RHBDD1: variants seen among roughly 807,000 people sequenced by gnomAD.
The protein encoded by RHBDD1 is rhomboid-related protein 4.
RHBDD1 carries 38 observed loss-of-function variants against 36.3 expected under a neutral mutation model. The observed-to-expected ratio is 1.05, with a 90% CI of 0.81 to 1.37. RHBDD1 has a LOEUF of 1.37. Ranked by LOEUF, RHBDD1 falls within the 40% of genes most tolerant of loss-of-function variation. RHBDD1 has a pLI of 0.00. For synonymous variants in RHBDD1, 151 were observed against 136.5 expected, an observed-to-expected ratio of 1.11 and a Z score of -0.74; for missense variants, 393 against 377.6, an observed-to-expected ratio of 1.04 and a Z score of -0.34.
chr2:226,923,751 G>A (rs1949486669), intron 8 of RHBDD1, among the ~76,000 whole-genome samples: 1 of 151,644 alleles, frequency 6.6e-6, no homozygotes, highest in Admixed American at 6.6e-5. Context: ...CTGTCTTCAG[G>A]GTCATTAATT....
chr2:226,968,431 C>T (rs1440859998), intron 8 of RHBDD1, among the ~76,000 whole-genome samples: 1 of 152,196 alleles, frequency 6.6e-6, no homozygotes, highest in African/African-American at 2.4e-5. Flanking sequence ...AGGGAAGTTT[C>T]AGCTCTGCTC....
intron 5 of RHBDD1, among the ~76,000 whole-genome samples, chr2:226,878,292 T>A (rs1945412327): frequency 1.3e-5 from 2 of 151,268 alleles, no homozygotes; most frequent in South Asian, 4.1e-4. Context: ...CTTGAACTGT[T>A]AACTCTTTGT....
intron 5 of RHBDD1, among the ~76,000 whole-genome samples, chr2:226,898,250 G>A (rs1947292666): frequency 6.6e-6 from 1 of 152,202 alleles, no homozygotes; most frequent in African/African-American, 2.4e-5. Flanking sequence ...TGTCTTATTA[G>A]CAGGCGTAGG....
intron 8 of RHBDD1, among the ~76,000 whole-genome samples, chr2:226,979,087 G>A (rs750441752): frequency 5.9e-5 from 9 of 152,224 alleles, no homozygotes; most frequent in South Asian, 2.1e-4. Flanking sequence ...GAAGCTATTC[G>A]TGTGGCTCAT....
At chr2:226,802,732 T>C in the RHBDD1 span, among the ~76,000 whole-genome samples, 2 of 152,240 alleles carry the variant, frequency 1.3e-5, no homozygotes, top group African/African-American at 2.4e-5. Context: ...ATTTGTGTAA[T>C]ATGCTAAGGT....
intron 5 of RHBDD1, among the ~76,000 whole-genome samples, chr2:226,874,875 TGC>T (rs1945093969): frequency 2.0e-5 from 3 of 152,188 alleles, no homozygotes; most frequent in Admixed American, 2.0e-4. Flanking sequence ...TCTCAGCCTG[TGC>T]GTGTGCGCCT....
At chr2:226,908,390 T>C (rs1948227154) in intron 6 of RHBDD1, 1 of 162,010 alleles carries the variant, frequency 6.2e-6, no homozygotes, top group African/African-American at 2.4e-5. Context: ...CTGCCTTCTG[T>C]AGGGACAAGA....
chr2:226,875,495 A>G lies in RHBDD1; in HGVS notation c.566+8177A>G, dbSNP rs113110231. Among the ~76,000 whole-genome samples the G allele has an allele frequency of 3.8e-3, 586 of 152,290 alleles. 5 individuals carry two copies. The highest frequency in any genetic ancestry group is 0.013 in the African/African-American group (555 of 41,550). On this transcript the variant is annotated intron_variant, in intron 5 of 8. Transcript: ENST00000392062. ...AAATCAATACACTATTTCCGTACCC[A>G]TCGAGACTTCACAGTTTAGCAAAAG...
chr2:226,830,408 G>A, the RHBDD1 span, among the ~76,000 whole-genome samples: 15 of 152,170 alleles, frequency 9.9e-5, no homozygotes, highest in Admixed American at 7.2e-4. Context: ...CAAGCCACTC[G>A]ATTTATGGAA....
chr2:226,863,621 C>A (rs1368301235), intron 3 of RHBDD1, among the ~76,000 whole-genome samples: 1 of 152,156 alleles, frequency 6.6e-6, no homozygotes, highest in Non-Finnish European at 1.5e-5. Flanking sequence ...CAAGGACCTT[C>A]AGGGTGACTG....
Position 226,864,847 on chromosome 2 carries a change from T to C in RHBDD1, c.154T>C (p.Ser52Pro), listed in dbSNP as rs777342112. The change falls in exon 4 of 9, where the codon TCC becomes CCC. Residue 52 changes from serine to proline, a missense_variant. Physicochemically the swap from Ser to Pro is moderately conservative, Grantham distance 74. Transcript: ENST00000392062. ...FLNPQKPLYS[S>P]CLSVEKCYQQ... ...GAACCCTCAGAAGCCACTGTATAGC[T>C]CCTGCCTTAGTGTGGAGAAGTGTTA... 1.6e-5 allele frequency: 26 copies of C among 1,614,094 alleles called. No homozygotes were observed. The highest frequency in any genetic ancestry group is 1.0e-4 in the Admixed American group (6 of 60,004).
intron 5 of RHBDD1, among the ~76,000 whole-genome samples, chr2:226,904,219 G>A (rs907182082): frequency 1.8e-4 from 27 of 152,254 alleles, no homozygotes; most frequent in African/African-American, 6.3e-4. Context: ...TTAAAAGAGC[G>A]CACTGTAACA....
rs1178141186 is a variant in RHBDD1, at chr2:226,906,901, T to A, written c.655+20T>A. On this transcript the variant is annotated intron_variant, in intron 6 of 8. Transcript: ENST00000392062. Reference sequence around the variant, plus strand: ...GTGCAGGTACAGAATAAAACACCTTTGGCATGACAACAGCTTGGAAGTTCA... The same window carrying A: ...GTGCAGGTACAGAATAAAACACCTTAGGCATGACAACAGCTTGGAAGTTCA... 1.2e-6 allele frequency: 2 copies of A among 1,611,636 alleles called. No individual in the cohort carries two copies. Among genetic ancestry groups the A allele is most frequent in the African/African-American group, 2.7e-5 (2 of 74,882 alleles).
At chr2:226,950,062 A>G (rs188038210) in intron 8 of RHBDD1, among the ~76,000 whole-genome samples, 1 of 152,326 alleles carries the variant, frequency 6.6e-6, no homozygotes, top group Admixed American at 6.5e-5. Context: ...TTTTTGTGAT[A>G]AGAGCCCTAA....
chr2:226,832,190 T>C (rs1940760285), upstream of RHBDD1, among the ~76,000 whole-genome samples: 1 of 152,216 alleles, frequency 6.6e-6, no homozygotes, highest in South Asian at 2.1e-4. Flanking sequence ...GACTTCAATA[T>C]GTTTTCACTT....
At chr2:226,953,847 T>C (rs952568671) in intron 8 of RHBDD1, among the ~76,000 whole-genome samples, 1 of 152,210 alleles carries the variant, frequency 6.6e-6, no homozygotes, top group East Asian at 1.9e-4. Context: ...ACCCAAATTA[T>C]GAAAGCTGAC....
chr2:226,895,507 G>T, intron 5 of RHBDD1: 1 of 184,558 alleles, frequency 5.4e-6, no homozygotes, highest in Non-Finnish European at 1.0e-5. Context: ...GTTACATGAA[G>T]TGTCTGAGGA....
intron 7 of RHBDD1, among the ~76,000 whole-genome samples, chr2:226,913,667 T>G (rs1188218597): frequency 2.6e-5 from 4 of 152,122 alleles, no homozygotes; most frequent in African/African-American, 4.8e-5. Flanking sequence ...CTAGAAACCT[T>G]TTTTTGGGGG....
upstream of RHBDD1, among the ~76,000 whole-genome samples, chr2:226,831,180 T>C (rs940657184): frequency 2.0e-5 from 3 of 152,198 alleles, no homozygotes; most frequent in Non-Finnish European, 2.9e-5. Context: ...AGTTTGTGTA[T>C]GATGGTATAA....
Sources: allele counts gnomAD v4.1 joint callset (sites outside exome capture counted in the v4.1 genomes callset), GRCh38; gene constraint gnomAD v4.1.1; transcripts MANE v1.5; gene names NCBI Gene and HGNC (gene_info 2026-07-23, HGNC 2026-07-21).